The following NUGGC variants were observed in gnomAD, a reference collection of about 807,000 sequenced individuals.
NUGGC encodes nuclear GTPase SLIP-GC.
NUGGC carries 58 observed loss-of-function variants against 92.6 expected under a neutral mutation model. The ratio of observed to expected loss-of-function variants is 0.63; its 90% CI spans 0.51 to 0.78. NUGGC has a LOEUF of 0.78. Among genes scored for constraint, NUGGC ranks in the 30% least tolerant of loss-of-function variants. The probability of loss-of-function intolerance (pLI) is 0.00; values close to 1 mark genes in which losing one functional copy is unlikely to be tolerated. For synonymous variants in NUGGC, 376 were observed against 366.4 expected (o/e 1.03, Z -0.30); for missense variants, 925 against 964.6 (o/e 0.96, Z 0.54).
At chr8:28,037,953 A>G (rs1360128483) in intron 13 of NUGGC, among the ~76,000 whole-genome samples, 1 of 152,166 alleles carries the variant, frequency 6.6e-6, no homozygotes, top group Non-Finnish European at 1.5e-5. Context: ...AATCATGCTG[A>G]GGTTAACAAA....
Position 28,067,618 on chromosome 8 carries a change from T to A in NUGGC, c.607A>T (p.Ile203Phe). The change falls in exon 6 of 19, where the codon ATT (isoleucine) becomes TTT (phenylalanine). Residue 203 changes from isoleucine (I) to phenylalanine (F), a missense_variant. Transcript: ENST00000413272. ...TTACTCTCTGCCCCATTTCCATAAA[T>A]CATTTGTAGCTTCCAGGTGGCTTCC... ...VEEATWKLQMIYGNGAESKNY... is the reference protein window; with the variant it reads ...VEEATWKLQMFYGNGAESKNY... 6.2e-7 allele frequency: 1 copy of A among 1,614,028 alleles called. No homozygotes were observed. The highest frequency in any genetic ancestry group is 8.5e-7 in the Non-Finnish European group (1 of 1,179,864).
intron 18 of NUGGC, 93 bp downstream of exon 18, chr8:28,026,869 T>C: frequency 1.1e-6 from 1 of 874,420 alleles, no homozygotes; most frequent in Non-Finnish European, 1.9e-6. Context: ...ATTCCTAAAA[T>C]TTAAAGTTTA....
rs1367847562 is a variant in NUGGC at position 28,062,715 on chromosome 8, C to A, written c.921+1807G>T. Among the ~76,000 whole-genome samples the A allele has an allele frequency of 2.0e-5, 3 of 152,332 alleles. No homozygotes were observed. The South Asian group carries it at 6.2e-4, about 32-fold the overall frequency. ...AGCGGAAGGCCATAAGGATGCCAGG[C>A]TGGGTGCTCCTTAAGGGCAGGGCCC... On this transcript the variant is annotated intron_variant, in intron 7 of 18. Coordinates refer to ENST00000413272, the MANE Select transcript of NUGGC (RefSeq NM_001010906.2).
chr8:28,041,469 A>C (rs1446265939), intron 12 of NUGGC, among the ~76,000 whole-genome samples: 6 of 152,254 alleles, frequency 3.9e-5, no homozygotes, highest in African/African-American at 1.2e-4. Context: ...CTGCTTATTC[A>C]GCAACTTATT....
intron 6 of NUGGC, among the ~76,000 whole-genome samples, chr8:28,066,535 G>A (rs1810444742): frequency 6.6e-6 from 1 of 152,072 alleles, no homozygotes; most frequent in African/African-American, 2.4e-5. Context: ...TTTAGGACAT[G>A]TATAAAAATT....
In NUGGC at chr8:28,067,644, T is replaced by C. The variant is rs1810472189; in HGVS notation, c.581A>G (p.Glu194Gly). ...CATTTGTAGCTTCCAGGTGGCTTCC[T>C]CCACTGCCTCATCCCTGTTCCACGC... ...ADAWNRDEAV[E>G]EATWKLQMIY... The change falls in exon 6 of 19, where the codon GAG (glutamate) becomes GGG (glycine). Residue 194 changes from glutamate (E) to glycine (G), a missense_variant. Coordinates refer to ENST00000413272, the MANE Select transcript of NUGGC (RefSeq NM_001010906.2). The C allele has an allele frequency of 6.2e-7, 1 of 1,613,866 alleles. No homozygotes were observed. The highest frequency in any genetic ancestry group is 1.1e-5 in the South Asian group (1 of 91,090).
chr8:28,044,324 G>C (rs1585568154), intron 12 of NUGGC, among the ~76,000 whole-genome samples: 1 of 152,298 alleles, frequency 6.6e-6, no homozygotes, highest in Non-Finnish European at 1.5e-5. Context: ...CCAACCAAAT[G>C]AGGACAAGCA....
rs1053686279 is a variant in NUGGC, at chr8:28,048,623, G to T, written c.1207-1011C>A. ...TCACACCTGTAATCCTAGCACTTTG[G>T]GAGGCCAAGGCAGGCGGATCACAAG... On this transcript the variant is annotated intron_variant, in intron 10 of 18. Transcript: ENST00000413272. Among the ~76,000 whole-genome samples, 9 of 152,066 alleles carry T rather than the reference G, an allele frequency of 5.9e-5. 1 individual carries two copies. The highest frequency in any genetic ancestry group is 5.9e-4 in the Admixed American group (9 of 15,248).
At chr8:28,040,971 G>T in intron 13 of NUGGC, 80 bp downstream of exon 13, 1 of 1,369,746 alleles carries the variant, frequency 7.3e-7, no homozygotes, top group South Asian at 1.3e-5. Flanking sequence ...CTTTTGAAGG[G>T]AATGGGATGA....
intron 18 of NUGGC, among the ~76,000 whole-genome samples, chr8:28,026,108 G>T (rs768823165): frequency 1.3e-5 from 2 of 152,000 alleles, no homozygotes; most frequent in African/African-American, 2.4e-5. Flanking sequence ...TACCTATAAA[G>T]CTGCTTTATT....
intron 12 of NUGGC, among the ~76,000 whole-genome samples, chr8:28,044,916 T>G (rs1809792058): frequency 6.6e-6 from 1 of 152,338 alleles, no homozygotes; most frequent in Admixed American, 6.5e-5. Flanking sequence ...ATCTAGCAGC[T>G]TATCCCTCTT....
chr8:28,023,856 T>C (rs1809182159), intron 18 of NUGGC, among the ~76,000 whole-genome samples: 1 of 152,096 alleles, frequency 6.6e-6, no homozygotes, highest in African/African-American at 2.4e-5. Context: ...TTCTGGCATC[T>C]CAGGTTTTAA....
chr8:28,068,058 G>T (rs189056194), intron 5 of NUGGC, among the ~76,000 whole-genome samples, 158 bp downstream of exon 5: 1 of 150,660 alleles, frequency 6.6e-6, no homozygotes, highest in Non-Finnish European at 1.5e-5. Flanking sequence ...AGGAAAGAAA[G>T]AAAAGGAAGA....
At chr8:28,063,012 G>A (rs1030011856) in intron 7 of NUGGC, among the ~76,000 whole-genome samples, 2 of 152,088 alleles carry the variant, frequency 1.3e-5, no homozygotes, top group Non-Finnish European at 2.9e-5. Context: ...TATGAGAATG[G>A]GACTTAGAGG....
intron 9 of NUGGC, among the ~76,000 whole-genome samples, chr8:28,056,978 C>G (rs1810158530): frequency 6.6e-6 from 1 of 152,190 alleles, no homozygotes; most frequent in Non-Finnish European, 1.5e-5. Flanking sequence ...CTAATGATCT[C>G]CATGTGAACA....
At chr8:28,058,799 T>G (rs557981703) in intron 8 of NUGGC, among the ~76,000 whole-genome samples, 1 of 151,976 alleles carries the variant, frequency 6.6e-6, no homozygotes, top group East Asian at 1.9e-4. Flanking sequence ...ACATTCCAGG[T>G]CCAAGCGATT....
intron 4 of NUGGC, among the ~76,000 whole-genome samples, chr8:28,069,113 C>T (rs1452846566): frequency 2.0e-5 from 3 of 152,142 alleles, no homozygotes; most frequent in African/African-American, 7.2e-5. Flanking sequence ...TCTTACTGAG[C>T]AGGAGAAATT....
rs150720183 is a variant in NUGGC at position 28,061,639 on chromosome 8, G to C, written c.922-1038C>G. Among the ~76,000 whole-genome samples the C allele has an allele frequency of 8.2e-3, 1,246 of 152,278 alleles. 22 individuals carry two copies. Among genetic ancestry groups the C allele is most frequent in the African/African-American group, 0.029 (1,214 of 41,536 alleles). On this transcript the variant is annotated intron_variant, in intron 7 of 18. Coordinates refer to ENST00000413272, the MANE Select transcript of NUGGC (RefSeq NM_001010906.2). ...TTTTCGACTTTACAATGGGTTTACT[G>C]AACAATTGGTAAGTCCAGTACAATC...
rs975185394 is a variant in NUGGC, at chr8:28,022,122, T to G, written c.*1195A>C. ...ATGTTTAAGTTTTTTTATGTATGGGTGTGTGTGTGTATATATATATATTTT... is the reference window on the plus strand; with the variant it reads ...ATGTTTAAGTTTTTTTATGTATGGGGGTGTGTGTGTATATATATATATTTT... On this transcript the variant is annotated 3_prime_UTR_variant, in exon 19 of 19. Transcript: ENST00000413272. 14 of 149,692 alleles carry G rather than the reference T, an allele frequency of 9.4e-5. No individual in the cohort carries two copies. The highest frequency in any genetic ancestry group is 3.2e-4 in the African/African-American group (13 of 40,770). The allele number at this position is 149,692 out of a possible 1,614,324, so 9.3% of individuals were successfully genotyped here.
Sources: allele counts gnomAD v4.1 joint callset (sites outside exome capture counted in the v4.1 genomes callset), GRCh38; gene constraint gnomAD v4.1.1; transcripts MANE v1.5; gene names NCBI Gene and HGNC (gene_info 2026-07-23, HGNC 2026-07-21).